The following CCDC195 variants were observed in gnomAD, a reference collection of about 807,000 sequenced individuals.
The protein encoded by CCDC195 is coiled-coil domain-containing protein 195.
chr2:224,704,519 G>A (rs1464485499), intron 2 of CCDC195, among the ~76,000 whole-genome samples: 2 of 150,250 alleles, frequency 1.3e-5, no homozygotes, highest in East Asian at 3.9e-4. Flanking sequence ...TGGGAACAAA[G>A]AGGGTAGATA....
At chr2:224,708,178 A>G (rs558257238) in intron 2 of CCDC195, among the ~76,000 whole-genome samples, 70 of 152,244 alleles carry the variant, frequency 4.6e-4, no homozygotes, top group Admixed American at 1.9e-3. Flanking sequence ...TTTACATATA[A>G]AAGCATCTGA....
At chr2:224,707,717 AG>A (rs1019640154) in intron 2 of CCDC195, among the ~76,000 whole-genome samples, 2 of 152,262 alleles carry the variant, frequency 1.3e-5, no homozygotes, top group Admixed American at 1.3e-4. Context: ...TGCAAGGCAG[AG>A]AATCCTGCCC....
intron 1 of CCDC195, among the ~76,000 whole-genome samples, chr2:224,714,680 A>C (rs1689360386): frequency 6.6e-6 from 1 of 151,792 alleles, no homozygotes; most frequent in South Asian, 2.1e-4. Flanking sequence ...ATAAATGTCC[A>C]CATCCTTTTT....
intron 1 of CCDC195, among the ~76,000 whole-genome samples, chr2:224,714,561 A>G (rs1424354371): frequency 6.6e-6 from 1 of 152,208 alleles, no homozygotes; most frequent in African/African-American, 2.4e-5. Context: ...GTTAGAGGCC[A>G]GGGAAGCTGC....
At chr2:224,707,664 C>T (rs1158095825) in intron 2 of CCDC195, among the ~76,000 whole-genome samples, 1 of 152,156 alleles carries the variant, frequency 6.6e-6, no homozygotes, top group African/African-American at 2.4e-5. Flanking sequence ...AAATAAGCTC[C>T]ACATGGGCAG....
intron 2 of CCDC195, among the ~76,000 whole-genome samples, chr2:224,705,681 A>C (rs1444233598): frequency 6.6e-6 from 1 of 152,230 alleles, no homozygotes; most frequent in Non-Finnish European, 1.5e-5. Context: ...AATATAAAAG[A>C]CACATTTAAA....
intron 2 of CCDC195, among the ~76,000 whole-genome samples, chr2:224,704,380 TG>T (rs1365610887): frequency 6.6e-6 from 1 of 152,216 alleles, no homozygotes; most frequent in African/African-American, 2.4e-5. Context: ...CTTTTCATTT[TG>T]CCTACTTCTC....
At chr2:224,710,342 G>A (rs1016232235) in intron 1 of CCDC195, 123 bp from the exon 2 acceptor site, 2 of 395,448 alleles carry the variant, frequency 5.1e-6, no homozygotes, top group Non-Finnish European at 8.9e-6. Flanking sequence ...TACTTTTTTG[G>A]CATAAAAGAT....
At chr2:224,703,882 T>C (rs1697207730) in exon 3 of CCDC195, 1 of 398,572 alleles carries the variant, frequency 2.5e-6, no homozygotes, top group Admixed American at 4.4e-5. Context: ...TGCCTTTGTC[T>C]TGTCCCTACA....
At chr2:224,714,027 T>G (rs1309318989) in intron 1 of CCDC195, among the ~76,000 whole-genome samples, 1 of 152,140 alleles carries the variant, frequency 6.6e-6, no homozygotes, top group African/African-American at 2.4e-5. Context: ...TTTGTAGAGA[T>G]GGCGGTCTCA....
chr2:224,707,722 C>A (rs1032147820), intron 2 of CCDC195, among the ~76,000 whole-genome samples: 36 of 152,300 alleles, frequency 2.4e-4, no homozygotes, highest in African/African-American at 8.4e-4. Flanking sequence ...GGCAGAGAAT[C>A]CTGCCCAACA....
intron 2 of CCDC195, among the ~76,000 whole-genome samples, chr2:224,708,011 TCTTCCTTCCTTC>T (rs58888531): frequency 1.2e-5 from 1 of 84,734 alleles, no homozygotes; most frequent in African/African-American, 5.3e-5. Flanking sequence ...TTCCTTCCTT[TCTTCCTTCCTTC>T]CTTCCTTCCT....
At chr2:224,709,746 G>A (rs1689289952) in intron 2 of CCDC195, among the ~76,000 whole-genome samples, 1 of 152,150 alleles carries the variant, frequency 6.6e-6, no homozygotes, top group South Asian at 2.1e-4. Context: ...GAATAAATGA[G>A]TACTAAGTTG....
intron 1 of CCDC195, among the ~76,000 whole-genome samples, chr2:224,714,884 C>T (rs1489966344): frequency 5.9e-5 from 9 of 152,134 alleles, no homozygotes; most frequent in Admixed American, 4.6e-4. Flanking sequence ...AACCAACCGG[C>T]AAATATGACC....
intron 1 of CCDC195, among the ~76,000 whole-genome samples, chr2:224,714,268 A>C (rs1192793949): frequency 6.6e-6 from 1 of 152,172 alleles, no homozygotes; most frequent in Non-Finnish European, 1.5e-5. Context: ...AAGCTTGATG[A>C]TGTTTAGACC....
At chr2:224,707,636 G>A (rs1031030279) in intron 2 of CCDC195, among the ~76,000 whole-genome samples, 3 of 152,168 alleles carry the variant, frequency 2.0e-5, no homozygotes, top group Admixed American at 2.0e-4. Context: ...CATGTTTACT[G>A]ATTATCATGT....
intron 1 of CCDC195, among the ~76,000 whole-genome samples, chr2:224,710,750 A>G (rs1689311162): frequency 6.6e-6 from 1 of 152,226 alleles, no homozygotes; most frequent in Admixed American, 6.5e-5. Context: ...AGAGAACAAC[A>G]TAAAATTCCA....
chr2:224,711,965 C>T (rs958376604), intron 1 of CCDC195, among the ~76,000 whole-genome samples: 1 of 152,170 alleles, frequency 6.6e-6, no homozygotes, highest in African/African-American at 2.4e-5. Flanking sequence ...AGATCTGTGA[C>T]TACTTACAAA....
chr2:224,714,590 C>T (rs373908103), intron 1 of CCDC195, among the ~76,000 whole-genome samples: 5 of 152,222 alleles, frequency 3.3e-5, no homozygotes, highest in East Asian at 1.9e-4. Context: ...CTACCATGCT[C>T]GAGATGACCT....
Sources: gnomAD v4.1 joint callset for allele counts (sites outside exome capture counted in the v4.1 genomes callset) on GRCh38, gnomAD v4.1.1 for gene constraint, MANE v1.5 for transcripts, NCBI Gene and HGNC (gene_info 2026-07-23, HGNC 2026-07-21) for gene names.